Variants in FER observed in about 807,000 individuals in gnomAD.
The protein encoded by FER is tyrosine-protein kinase Fer.
In FER, 63 loss-of-function variants were observed where a neutral mutation model predicts 111.0. The ratio of observed to expected loss-of-function variants is 0.57; its 90% CI spans 0.46 to 0.70. The LOEUF (loss-of-function observed/expected upper bound fraction) is 0.70, where lower values mean the gene tolerates loss of function less well. Among genes scored for constraint, FER ranks in the 30% least tolerant of loss-of-function variants. The pLI, the probability that FER is intolerant of heterozygous loss-of-function variation, is 0.00. For synonymous variants in FER, 327 were observed against 313.9 expected, an observed-to-expected ratio of 1.04 and a Z score of -0.44; for missense variants, 914 against 954.0, an observed-to-expected ratio of 0.96 and a Z score of 0.55.
At chr5:109,122,841 T>C (rs1231756066) in intron 17 of FER, among the ~76,000 whole-genome samples, 2 of 152,154 alleles carry the variant, frequency 1.3e-5, no homozygotes, top group African/African-American at 4.8e-5. Context: ...TCTTTTTTAG[T>C]TTTTGTCTTG....
intron 16 of FER, among the ~76,000 whole-genome samples, chr5:109,075,568 T>C (rs983006402): frequency 1.3e-5 from 2 of 151,676 alleles, no homozygotes; most frequent in East Asian, 1.9e-4. Flanking sequence ...GGACTACAGG[T>C]GCCTGCCACC....
chr5:108,751,200 C>G (rs1227641536), intron 1 of FER, among the ~76,000 whole-genome samples: 1 of 151,710 alleles, frequency 6.6e-6, no homozygotes, highest in Non-Finnish European at 1.5e-5. Flanking sequence ...CTCAGAAAAA[C>G]AAAAAACAAA....
At position 108,952,046 on chromosome 5, in the gene FER, T is replaced by G. The variant is rs141366783; in HGVS notation, c.1330-2683T>G. Among the ~76,000 whole-genome samples the G allele has an allele frequency of 8.1e-3, 1,226 of 152,222 alleles. 16 individuals are homozygous for G. The highest frequency in any genetic ancestry group is 0.028 in the African/African-American group (1,165 of 41,542). ...GCTGGACTATTCTTTAGGAACAAGATCTAGGGAAAATAACTAATAAGACAG... is the reference window on the plus strand; with the variant it reads ...GCTGGACTATTCTTTAGGAACAAGAGCTAGGGAAAATAACTAATAAGACAG... On this transcript the variant is annotated intron_variant, in intron 11 of 19. Coordinates refer to ENST00000281092, the MANE Select transcript of FER (RefSeq NM_005246.4).
intron 16 of FER, among the ~76,000 whole-genome samples, chr5:109,082,857 C>G (rs1581949567): frequency 6.6e-6 from 1 of 152,054 alleles, no homozygotes; most frequent in Non-Finnish European, 1.5e-5. Context: ...GAGAAATCAT[C>G]TTTTTATTAT....
chr5:109,157,612 G>C (rs954662957), intron 17 of FER, among the ~76,000 whole-genome samples: 8 of 151,876 alleles, frequency 5.3e-5, no homozygotes. Flanking sequence ...CCTATTGTGA[G>C]GATATGCTTC....
intron 10 of FER, among the ~76,000 whole-genome samples, chr5:108,942,203 G>A (rs573637190): frequency 1.3e-5 from 2 of 152,072 alleles, no homozygotes; most frequent in South Asian, 4.2e-4. Context: ...CTTCTTCTTG[G>A]GTCTTATTTC....
At chr5:109,176,889 CA>C (rs1291493348) in intron 17 of FER, among the ~76,000 whole-genome samples, 4 of 152,104 alleles carry the variant, frequency 2.6e-5, no homozygotes, top group African/African-American at 9.7e-5. Flanking sequence ...TGAAGGACAT[CA>C]AATGATATTA....
chr5:108,896,384 A>G (rs1749098687), intron 9 of FER, among the ~76,000 whole-genome samples: 1 of 152,164 alleles, frequency 6.6e-6, no homozygotes, highest in South Asian at 2.1e-4. Context: ...ACCAGCATGA[A>G]CTTATGAAGA....
chr5:109,048,726 C>T (rs549209921), intron 16 of FER, among the ~76,000 whole-genome samples: 1 of 152,228 alleles, frequency 6.6e-6, no homozygotes, highest in South Asian at 2.1e-4. Flanking sequence ...AATTATATCT[C>T]AAAGCTAATT....
intron 2 of FER, among the ~76,000 whole-genome samples, chr5:108,775,524 TA>T (rs1209463705): frequency 6.6e-6 from 1 of 152,218 alleles, no homozygotes; most frequent in Non-Finnish European, 1.5e-5. Flanking sequence ...AAATGTAGTT[TA>T]AAAATAAAAA....
At chr5:109,078,726 TA>T (rs1554132756) in intron 16 of FER, among the ~76,000 whole-genome samples, 1 of 152,190 alleles carries the variant, frequency 6.6e-6, no homozygotes, top group Non-Finnish European at 1.5e-5. Flanking sequence ...ATTAGGAATA[TA>T]AAAGACTGTA....
In FER at chr5:108,950,410, A is replaced by G. The variant is rs150543701; in HGVS notation, c.1329+4188A>G. ...ATTTTACAGCTAGTTTCATTATAGA[A>G]TGTAAATATTAGGTGAAGTATTTTT... On this transcript the variant is annotated intron_variant, in intron 11 of 19. Transcript: ENST00000281092. 8.1e-4 allele frequency among the ~76,000 whole-genome samples: 123 copies of G among 152,328 alleles called. 1 individual carries two copies. Among genetic ancestry groups the G allele is most frequent in the African/African-American group, 2.8e-3 (117 of 41,584 alleles).
At chr5:109,126,493 T>C (rs1336235016) in intron 17 of FER, among the ~76,000 whole-genome samples, 2 of 152,182 alleles carry the variant, frequency 1.3e-5, no homozygotes, top group African/African-American at 4.8e-5. Flanking sequence ...AATCCAAGCA[T>C]GGTTACAAGA....
chr5:109,049,873 C>T (rs1425655807), intron 16 of FER, among the ~76,000 whole-genome samples: 2 of 152,182 alleles, frequency 1.3e-5, no homozygotes, highest in African/African-American at 2.4e-5. Context: ...ATGTGTACTA[C>T]TGAATCCTCT....
intron 17 of FER, among the ~76,000 whole-genome samples, chr5:109,116,133 C>T (rs181067179): frequency 8.4e-4 from 128 of 152,052 alleles, no homozygotes; most frequent in Admixed American, 1.9e-3. Context: ...TTCTGAGTTA[C>T]GGTCTCTATG....
chr5:109,061,706 T>G (rs1774438019), intron 16 of FER, among the ~76,000 whole-genome samples: 2 of 152,254 alleles, frequency 1.3e-5, no homozygotes, highest in East Asian at 3.9e-4. Flanking sequence ...ACAGGAAAAT[T>G]TCTGTTTGAG....
intron 5 of FER, chr5:108,842,739 A>G (rs1761396198): frequency 6.6e-6 from 1 of 152,204 alleles, no homozygotes; most frequent in Admixed American, 6.5e-5. Flanking sequence ...AAAACAAAAC[A>G]AAACAAAACA....
At chr5:109,106,311 G>T (rs954155621) in intron 17 of FER, among the ~76,000 whole-genome samples, 1 of 152,024 alleles carries the variant, frequency 6.6e-6, no homozygotes, top group Non-Finnish European at 1.5e-5. Flanking sequence ...TGAAATGCAG[G>T]AGCATTTTGT....
At chr5:108,899,620 A>C (rs986955996) in intron 10 of FER, among the ~76,000 whole-genome samples, 2 of 151,788 alleles carry the variant, frequency 1.3e-5, no homozygotes, top group Non-Finnish European at 2.9e-5. Flanking sequence ...AACATGGTGA[A>C]ACCCTGTCTC....
Sources: gnomAD v4.1 joint callset for allele counts (sites outside exome capture counted in the v4.1 genomes callset) on GRCh38, gnomAD v4.1.1 for gene constraint, MANE v1.5 for transcripts, NCBI Gene and HGNC (gene_info 2026-07-23, HGNC 2026-07-21) for gene names.